Variants in KLRD1 observed in about 807,000 individuals in gnomAD.
The protein encoded by KLRD1 is natural killer cells antigen CD94.
KLRD1 carries 21 observed loss-of-function variants against 22.6 expected under a neutral mutation model. The observed-to-expected ratio is 0.93, with a 90% confidence interval of 0.66 to 1.34. The LOEUF is 1.34. Among genes scored for constraint, KLRD1 ranks in the 40% most tolerant of loss-of-function variants. KLRD1 has a pLI of 0.00. For missense variants in KLRD1, 183 were observed against 208.6 expected (o/e 0.88, Z 0.76); for synonymous variants, 59 against 71.1 (o/e 0.83, Z 0.85).
intron 1 of KLRD1, among the ~76,000 whole-genome samples, chr12:10,260,926 A>ATCACTCTGTGT (rs1442704846): frequency 6.6e-6 from 1 of 151,448 alleles, no homozygotes; most frequent in Non-Finnish European, 1.5e-5. Context: ...TGGGACACAG[A>ATCACTCTGTGT]GTGAGACTCC....
At chr12:10,290,475 T>C (rs1200063311) in intron 1 of KLRD1, among the ~76,000 whole-genome samples, 1 of 152,208 alleles carries the variant, frequency 6.6e-6, no homozygotes, top group Non-Finnish European at 1.5e-5. Context: ...TTTAAAATGA[T>C]TTCATATTGC....
intron 1 of KLRD1, among the ~76,000 whole-genome samples, chr12:10,286,318 CTA>C (rs1949702262): frequency 6.6e-6 from 1 of 152,184 alleles, no homozygotes; most frequent in Admixed American, 6.5e-5. Context: ...AGCTTATGTC[CTA>C]TCTACCTCAA....
Position 10,280,966 on chromosome 12 carries a change from T to C in KLRD1, c.-100-27012T>C, listed in dbSNP as rs181273000. 8.5e-5 allele frequency among the ~76,000 whole-genome samples: 13 copies of C among 152,276 alleles called. No homozygotes were observed. In the East Asian group the frequency reaches 2.3e-3, roughly 27 times the overall value. ...TAACCTGGACTCATCCTAGATTCTA[T>C]AGTAGGCTGAATAATGGCTCCAAGT... On this transcript the variant is annotated intron_variant, in intron 1 of 5. Transcript: ENST00000544747.
At chr12:10,243,607 C>CAAAA (rs34864670) in intron 1 of KLRD1, among the ~76,000 whole-genome samples, 17 of 28,788 alleles carry the variant, frequency 5.9e-4, no homozygotes, top group African/African-American at 2.6e-3. Context: ...AGTGAGACTC[C>CAAAA]AAAAAAAAAA....
In KLRD1 at chr12:10,251,889, T is replaced by C. The variant is rs576448196; in HGVS notation, c.-101+25656T>C. Among the ~76,000 whole-genome samples the C allele has an allele frequency of 1.3e-4, 20 of 152,100 alleles. No homozygotes were observed. The South Asian group carries it at 4.0e-3, about 30-fold the overall frequency. The stretch of plus-strand genomic sequence containing the variant: ...GCCAGCAATGGGGAGTGGTTGTAAA[T>C]ATAGGTGAAGCTTTGCTCACTCATT... On this transcript the variant is annotated intron_variant, in intron 1 of 5. Transcript: ENST00000544747.
intron 1 of KLRD1, among the ~76,000 whole-genome samples, chr12:10,245,523 C>T (rs1049017390): frequency 6.6e-6 from 1 of 152,064 alleles, no homozygotes; most frequent in African/African-American, 2.4e-5. Context: ...TTATTTTTAG[C>T]TCAATTTTCC....
intron 4 of KLRD1, among the ~76,000 whole-genome samples, chr12:10,313,011 A>G (rs1341104710): frequency 6.6e-6 from 1 of 151,612 alleles, no homozygotes; most frequent in Non-Finnish European, 1.5e-5. Context: ...AGAAAAAGCG[A>G]AAAACTTCTC....
At chr12:10,283,004 G>T (rs1949660790) in intron 1 of KLRD1, among the ~76,000 whole-genome samples, 1 of 152,194 alleles carries the variant, frequency 6.6e-6, no homozygotes, top group Non-Finnish European at 1.5e-5. Context: ...ATTCGTGAAT[G>T]TCCAGGCAGG....
At chr12:10,277,971 G>C (rs1407123167) in intron 1 of KLRD1, among the ~76,000 whole-genome samples, 1 of 152,152 alleles carries the variant, frequency 6.6e-6, no homozygotes, top group Non-Finnish European at 1.5e-5. Context: ...ATCTCTACCA[G>C]TGCTGCCTGG....
At chr12:10,305,125 T>C (rs1297451063), upstream of KLRD1, among the ~76,000 whole-genome samples, 4 of 152,224 alleles carry the variant, frequency 2.6e-5, no homozygotes, top group Non-Finnish European at 5.9e-5. Context: ...TAGTTTCTTT[T>C]CCCTGGCTTT....
chr12:10,245,545 ACT>A (rs571373472), intron 1 of KLRD1, among the ~76,000 whole-genome samples: 12 of 152,212 alleles, frequency 7.9e-5, no homozygotes, highest in East Asian at 3.9e-4. Context: ...GTAATTTTTA[ACT>A]CTCTGTTTGA....
chr12:10,292,477 G>C (rs933764114), intron 1 of KLRD1, among the ~76,000 whole-genome samples: 1 of 152,164 alleles, frequency 6.6e-6, no homozygotes, highest in Non-Finnish European at 1.5e-5. Context: ...GAATTTCTTT[G>C]TACGTCTTCA....
chr12:10,281,937 T>G (rs1189497157), intron 1 of KLRD1, among the ~76,000 whole-genome samples: 2 of 152,316 alleles, frequency 1.3e-5, no homozygotes, highest in East Asian at 3.9e-4. Context: ...ATTGTTTTGG[T>G]TACATAAATA....
In KLRD1 at chr12:10,315,803, T is replaced by A. The variant is rs1296233617; in HGVS notation, c.*1010T>A. ...TTTCATCATTTTTGTGATGAAAAAA[T>A]TAATTTTGATTGACTTAGGATGGAA... On this transcript the variant is annotated 3_prime_UTR_variant, in exon 6 of 6. Transcript: ENST00000336164. The A allele has an allele frequency of 6.6e-6, 1 of 152,056 alleles. No individual in the cohort carries two copies. The highest frequency in any genetic ancestry group is 1.5e-5 in the Non-Finnish European group (1 of 68,006). 9.4% of individuals were successfully genotyped at this position (152,056 alleles called of 1,614,324 possible). A position where few individuals can be genotyped will look rare whatever the true frequency, so the allele number is the denominator to read the frequency against.
chr12:10,271,935 A>G (rs1293675881), intron 1 of KLRD1, among the ~76,000 whole-genome samples: 2 of 152,186 alleles, frequency 1.3e-5, no homozygotes, highest in Non-Finnish European at 1.5e-5. Flanking sequence ...TCTATTGTAG[A>G]GATTAAGTTA....
intron 3 of KLRD1, among the ~76,000 whole-genome samples, chr12:10,310,394 T>C (rs1021630693): frequency 6.6e-6 from 1 of 152,214 alleles, no homozygotes; most frequent in South Asian, 2.1e-4. Flanking sequence ...GTTGGGATTA[T>C]GCCGTACCCA....
chr12:10,312,610 C>T (rs1950110620), intron 4 of KLRD1, among the ~76,000 whole-genome samples: 1 of 143,166 alleles, frequency 7.0e-6, no homozygotes, highest in Non-Finnish European at 1.5e-5. Flanking sequence ...GATCTTCTGA[C>T]CTCATGATCT....
chr12:10,271,713 G>A (rs910029353), intron 1 of KLRD1, among the ~76,000 whole-genome samples: 4 of 151,976 alleles, frequency 2.6e-5, no homozygotes, highest in Non-Finnish European at 4.4e-5. Context: ...CCAGCTATAT[G>A]TATATACACA....
Position 10,311,543 on chromosome 12 carries a change from T to C in KLRD1, c.243T>C (p.Thr81=), listed in dbSNP as rs752380024. ...NCYFISSEQK[T]WNESRHLCAS... is the part of the protein sequence containing the mutation. ...ACTTCATTTCCAGTGAACAGAAAAC[T>C]TGGAACGAAAGTCGGCATCTCTGTG... Residue 81 remains threonine, a synonymous_variant, in exon 4 of 6, where the codon ACT becomes ACC. Transcript: ENST00000336164. The C allele has an allele frequency of 5.0e-6, 8 of 1,614,022 alleles. No homozygotes were observed. The Admixed American group carries it at 8.3e-5, about 17-fold the overall frequency.
Sources: allele counts gnomAD v4.1 joint callset (sites outside exome capture counted in the v4.1 genomes callset), GRCh38; gene constraint gnomAD v4.1.1; transcripts MANE v1.5; gene names NCBI Gene and HGNC (gene_info 2026-07-23, HGNC 2026-07-21).